Variants in CTDSPL2 observed in about 807,000 individuals in gnomAD.
The protein encoded by CTDSPL2 is CTD small phosphatase-like protein 2.
Under a neutral mutation model 60.0 loss-of-function variants are expected in CTDSPL2, and 5 were observed. That is an observed-to-expected ratio of 0.08 (90% confidence interval 0.04 to 0.18). CTDSPL2 has a LOEUF of 0.18. Among genes scored for constraint, CTDSPL2 ranks in the 10% least tolerant of loss-of-function variants. The pLI is 1.00. For missense variants in CTDSPL2, 370 were observed against 548.8 expected, an observed-to-expected ratio of 0.67 and a Z score of 3.26; for synonymous variants, 186 against 189.3, an observed-to-expected ratio of 0.98 and a Z score of 0.14.
At chr15:44,502,556 G>GA (rs1804767567) in intron 8 of CTDSPL2, among the ~76,000 whole-genome samples, 1 of 152,114 alleles carries the variant, frequency 6.6e-6, no homozygotes, top group African/African-American at 2.4e-5. Flanking sequence ...ATTGCAGCAT[G>GA]AAAGTAGCCA....
chr15:44,514,468 A>T, intron 8 of CTDSPL2, 130 bp from the exon 9 acceptor site: 1 of 638,056 alleles, frequency 1.6e-6, no homozygotes, highest in Non-Finnish European at 2.8e-6. Context: ...AGTGGTACTT[A>T]GTTAATATTT....
chr15:44,515,032 T>C (rs2081625186), intron 10 of CTDSPL2, among the ~76,000 whole-genome samples, 188 bp downstream of exon 10: 1 of 152,144 alleles, frequency 6.6e-6, no homozygotes, highest in South Asian at 2.1e-4. Flanking sequence ...AGACGTTCTT[T>C]AAAGGATACA....
chr15:44,496,313 A>G, intron 5 of CTDSPL2, 67 bp from the exon 6 acceptor site: 2 of 1,060,822 alleles, frequency 1.9e-6, no homozygotes, highest in South Asian at 1.3e-5. Context: ...AGATAGAAGC[A>G]GTAAAAATAT....
At chr15:44,482,279 G>A (rs777838266) in intron 2 of CTDSPL2, among the ~76,000 whole-genome samples, 2 of 152,082 alleles carry the variant, frequency 1.3e-5, no homozygotes, top group Non-Finnish European at 2.9e-5. Flanking sequence ...GAGATTACAG[G>A]CATGTGTCAC....
intron 1 of CTDSPL2, among the ~76,000 whole-genome samples, chr15:44,429,742 T>G (rs1185164509): frequency 2.0e-5 from 3 of 152,318 alleles, no homozygotes; most frequent in South Asian, 2.1e-4. Flanking sequence ...GGTGCACACC[T>G]GTAGTCCCAG....
chr15:44,499,859 C>T, intron 8 of CTDSPL2, 46 bp downstream of exon 8: 1 of 1,073,364 alleles, frequency 9.3e-7, no homozygotes, highest in South Asian at 1.3e-5. Context: ...AGGTAACATT[C>T]TGATAAAAAA....
At chr15:44,443,556 C>T (rs368274684) in intron 1 of CTDSPL2, among the ~76,000 whole-genome samples, 5 of 152,052 alleles carry the variant, frequency 3.3e-5, no homozygotes, top group Admixed American at 6.6e-5. Flanking sequence ...ACATTCTTGC[C>T]GGCAATTTTT....
At chr15:44,506,025 CTTT>C (rs753896129) in intron 8 of CTDSPL2, among the ~76,000 whole-genome samples, 2 of 117,572 alleles carry the variant, frequency 1.7e-5, no homozygotes, top group Admixed American at 8.8e-5. Context: ...TCATTGGTAA[CTTT>C]TTTTTTTTTT....
intron 4 of CTDSPL2, among the ~76,000 whole-genome samples, chr15:44,488,567 C>T (rs2081160742): frequency 6.6e-6 from 1 of 152,130 alleles, no homozygotes. Context: ...AATCCGAGCA[C>T]TTTGGGAGGC....
At chr15:44,515,253 C>A (rs566647444) in intron 10 of CTDSPL2, among the ~76,000 whole-genome samples, 16 of 152,206 alleles carry the variant, frequency 1.1e-4, no homozygotes, top group Admixed American at 3.3e-4. Flanking sequence ...AAATTAAGCC[C>A]TTGCTTTTTT....
At chr15:44,504,085 C>T (rs143857392) in intron 8 of CTDSPL2, among the ~76,000 whole-genome samples, 1,573 of 152,248 alleles carry the variant, frequency 0.01, 36 homozygotes, top group African/African-American at 0.036. Flanking sequence ...CAGTGGCTCA[C>T]GCCTGTAATC....
intron 2 of CTDSPL2, among the ~76,000 whole-genome samples, chr15:44,474,552 C>T (rs1352059922): frequency 6.6e-6 from 1 of 151,956 alleles, no homozygotes; most frequent in Non-Finnish European, 1.5e-5. Context: ...ACTTGCTAAA[C>T]GTGGCTATAA....
At chr15:44,505,736 A>C (rs63118360) in intron 8 of CTDSPL2, among the ~76,000 whole-genome samples, 30 of 138,962 alleles carry the variant, frequency 2.2e-4, no homozygotes, top group African/African-American at 2.9e-4. Flanking sequence ...TCTGTCTCCC[A>C]AAAAAAAAAA....
chr15:44,523,118 T>A (rs1332788464), intron 12 of CTDSPL2, among the ~76,000 whole-genome samples: 1 of 152,098 alleles, frequency 6.6e-6, no homozygotes, highest in African/African-American at 2.4e-5. Context: ...TGCCTCAGTC[T>A]TCCAAGTAGC....
intron 1 of CTDSPL2, among the ~76,000 whole-genome samples, chr15:44,441,332 G>T (rs372842067): frequency 6.6e-6 from 1 of 152,224 alleles, no homozygotes; most frequent in African/African-American, 2.4e-5. Flanking sequence ...GAAGGATCTG[G>T]TTGGGGCTTC....
At chr15:44,466,808 G>A (rs1470718706) in intron 2 of CTDSPL2, among the ~76,000 whole-genome samples, 4 of 151,824 alleles carry the variant, frequency 2.6e-5, no homozygotes, top group South Asian at 4.2e-4. Context: ...GCATGGTGGC[G>A]GGCGCCTGTA....
At chr15:44,433,666 GTTTGTTTTTGTT>G (rs1041847831) in intron 1 of CTDSPL2, among the ~76,000 whole-genome samples, 1 of 151,712 alleles carries the variant, frequency 6.6e-6, no homozygotes, top group Non-Finnish European at 1.5e-5. Context: ...TATTTTTTCT[GTTTGTTTTTGTT>G]TTTGTTTTTT....
chr15:44,454,314 T>C (rs1002590911), intron 1 of CTDSPL2, among the ~76,000 whole-genome samples: 1 of 152,246 alleles, frequency 6.6e-6, no homozygotes, highest in Non-Finnish European at 1.5e-5. Context: ...TCTTTGTAGA[T>C]TCCAGATATT....
At chr15:44,483,660 C>T (rs1459393576) in intron 2 of CTDSPL2, among the ~76,000 whole-genome samples, 1 of 152,144 alleles carries the variant, frequency 6.6e-6, no homozygotes, top group Non-Finnish European at 1.5e-5. Flanking sequence ...ATAAACTGGT[C>T]ATGGGGACTT....
Sources: gnomAD v4.1 joint callset for allele counts (sites outside exome capture counted in the v4.1 genomes callset) on GRCh38, gnomAD v4.1.1 for gene constraint, MANE v1.5 for transcripts, NCBI Gene and HGNC (gene_info 2026-07-23, HGNC 2026-07-21) for gene names.